Variants in DPYD observed in about 807,000 individuals in gnomAD.
DPYD encodes dihydropyrimidine dehydrogenase, also known as dihydropyrimidine dehydrogenase [NADP(+)].
A neutral mutation model predicts 116.2 loss-of-function variants in DPYD; 109 were observed. The observed-to-expected ratio is 0.94, with a 90% confidence interval of 0.80 to 1.10. DPYD has a LOEUF of 1.10. DPYD is among the 50% of genes least tolerant of loss of function. The pLI, the probability that DPYD is intolerant of heterozygous loss-of-function variation, is 0.00. For missense variants in DPYD, 1,302 were observed against 1,254.5 expected, an observed-to-expected ratio of 1.04 and a Z score of -0.57; for synonymous variants, 440 against 432.0, an observed-to-expected ratio of 1.02 and a Z score of -0.23.
At chr1:97,158,983 G>C (rs1466068699) in intron 20 of DPYD, among the ~76,000 whole-genome samples, 1 of 152,082 alleles carries the variant, frequency 6.6e-6, no homozygotes, top group Non-Finnish European at 1.5e-5. Context: ...TAGGTGTGGA[G>C]AGTCCAGAGT....
At chr1:97,641,566 C>T (rs186910591) in intron 8 of DPYD, among the ~76,000 whole-genome samples, 3 of 152,234 alleles carry the variant, frequency 2.0e-5, no homozygotes, top group African/African-American at 7.2e-5. Flanking sequence ...ATGCTAAAAA[C>T]TCTCAATAAC....
At chr1:97,412,056 C>A (rs1332049259) in intron 14 of DPYD, among the ~76,000 whole-genome samples, 1 of 152,318 alleles carries the variant, frequency 6.6e-6, no homozygotes, top group East Asian at 1.9e-4. Flanking sequence ...GTATACACCT[C>A]ATTAAGCATA....
chr1:97,420,391 A>AT (rs955335063), intron 14 of DPYD, among the ~76,000 whole-genome samples: 18 of 152,056 alleles, frequency 1.2e-4, no homozygotes, highest in Middle Eastern at 6.8e-3. Context: ...AAACTTGTAG[A>AT]TTTTTTTACC....
intron 21 of DPYD, among the ~76,000 whole-genome samples, chr1:97,090,568 T>A (rs1649831888): frequency 6.6e-6 from 1 of 152,174 alleles, no homozygotes; most frequent in Non-Finnish European, 1.5e-5. Flanking sequence ...AATATCACCA[T>A]CTCTGTGAAG....
chr1:97,637,625 G>T (rs926225618), intron 8 of DPYD, among the ~76,000 whole-genome samples: 1 of 152,042 alleles, frequency 6.6e-6, no homozygotes, highest in African/African-American at 2.4e-5. Context: ...AAACAAGAAA[G>T]AAGTGAGAAA....
At chr1:97,205,899 C>G (rs1659557410) in intron 19 of DPYD, among the ~76,000 whole-genome samples, 1 of 152,048 alleles carries the variant, frequency 6.6e-6, no homozygotes, top group Admixed American at 6.6e-5. Flanking sequence ...TTGTTGAACT[C>G]TCACACAATG....
intron 13 of DPYD, among the ~76,000 whole-genome samples, chr1:97,510,075 G>A (rs1647664143): frequency 6.6e-6 from 1 of 151,552 alleles, no homozygotes. Context: ...GTCAACAGGG[G>A]CCATCATTAG....
At chr1:97,391,080 A>C (rs1338861173) in intron 14 of DPYD, among the ~76,000 whole-genome samples, 4 of 88,394 alleles carry the variant, frequency 4.5e-5, no homozygotes, top group African/African-American at 1.7e-4. Context: ...TTCTTTTTCT[A>C]CCTCTGTCAA....
chr1:97,665,537 G>A (rs1438536729), intron 8 of DPYD, among the ~76,000 whole-genome samples: 1 of 151,986 alleles, frequency 6.6e-6, no homozygotes, highest in Non-Finnish European at 1.5e-5. Flanking sequence ...TTTTACAATA[G>A]ATCAAACAGA....
intron 11 of DPYD, among the ~76,000 whole-genome samples, chr1:97,554,623 T>C (rs1051865217): frequency 6.6e-6 from 1 of 152,024 alleles, no homozygotes; most frequent in Non-Finnish European, 1.5e-5. Flanking sequence ...TCAAAATAAA[T>C]TCTAATTACA....
chr1:97,876,961 G>A (rs969374693), intron 2 of DPYD, among the ~76,000 whole-genome samples: 14 of 152,114 alleles, frequency 9.2e-5, no homozygotes, highest in African/African-American at 3.4e-4. Context: ...GCAAAGTGAA[G>A]GGCCCAGAGA....
chr1:97,698,825 A>G (rs1274969265), intron 6 of DPYD, among the ~76,000 whole-genome samples: 1 of 151,838 alleles, frequency 6.6e-6, no homozygotes, highest in African/African-American at 2.4e-5. Context: ...ATAAATTTTC[A>G]TGGGAATAAT....
At chr1:97,863,242 T>C (rs1671210673) in intron 2 of DPYD, among the ~76,000 whole-genome samples, 1 of 151,784 alleles carries the variant, frequency 6.6e-6, no homozygotes, top group Non-Finnish European at 1.5e-5. Flanking sequence ...CATATGATCA[T>C]CAGAATATGA....
intron 8 of DPYD, among the ~76,000 whole-genome samples, chr1:97,621,497 C>A (rs1656630341): frequency 6.6e-6 from 1 of 152,024 alleles, no homozygotes; most frequent in Non-Finnish European, 1.5e-5. Flanking sequence ...ATTCAAAAAT[C>A]AGCTATCTAA....
chr1:97,085,803 T>A (rs1649472257), intron 21 of DPYD, among the ~76,000 whole-genome samples: 1 of 152,208 alleles, frequency 6.6e-6, no homozygotes, highest in Admixed American at 6.5e-5. Context: ...TTATTCCAAT[T>A]CATTATTACA....
At chr1:97,707,934 T>C (rs565247748) in intron 5 of DPYD, among the ~76,000 whole-genome samples, 2 of 152,214 alleles carry the variant, frequency 1.3e-5, no homozygotes, top group South Asian at 2.1e-4. Context: ...GCAAATATTT[T>C]CTCCCAGCCT....
chr1:97,768,819 G>C (rs1666002473), intron 3 of DPYD, among the ~76,000 whole-genome samples: 1 of 151,646 alleles, frequency 6.6e-6, no homozygotes, highest in African/African-American at 2.4e-5. Context: ...AAATGAGAGA[G>C]CTCTTAAATA....
rs763260651 is a variant in DPYD at position 97,751,460 on chromosome 1, G to GTGTGTA, written c.234-10982_234-10981insTACACA. Among the ~76,000 whole-genome samples, 199 of 21,260 alleles carry GTGTGTA rather than the reference G, an allele frequency of 9.4e-3. 4 individuals carry two copies. The highest frequency in any genetic ancestry group is 0.018 in the East Asian group (5 of 280). The allele number at this position is 21,260 out of a possible 152,430, so 13.9% of individuals were successfully genotyped here. ...TGTGTGTGTGTGTGTGTGTGTGTGT[G>GTGTGTA]TATATATATATATATATATATATAT... On this transcript the variant is annotated intron_variant, in intron 3 of 22. Coordinates refer to ENST00000370192, the MANE Select transcript of DPYD (RefSeq NM_000110.4).
At chr1:97,203,553 C>T (rs545121010) in intron 19 of DPYD, among the ~76,000 whole-genome samples, 2 of 149,808 alleles carry the variant, frequency 1.3e-5, no homozygotes, top group Admixed American at 1.3e-4. Context: ...GGGTGCAGCG[C>T]ACCAGCATGG....
Sources: gnomAD v4.1 joint callset for allele counts (sites outside exome capture counted in the v4.1 genomes callset) on GRCh38, gnomAD v4.1.1 for gene constraint, MANE v1.5 for transcripts, NCBI Gene and HGNC (gene_info 2026-07-23, HGNC 2026-07-21) for gene names.